PKD1L1: variants seen among roughly 807,000 people sequenced by gnomAD.
PKD1L1 encodes polycystin 1 like 1, transient receptor potential channel interacting, also known as polycystin-1-like protein 1.
Under a neutral mutation model 323.4 loss-of-function variants are expected in PKD1L1, and 236 were observed. The observed-to-expected ratio is 0.73, with a 90% CI of 0.66 to 0.81. The LOEUF (loss-of-function observed/expected upper bound fraction) is 0.81, where lower values mean the gene tolerates loss of function less well. Among genes scored for constraint, PKD1L1 ranks in the 40% least tolerant of loss-of-function variants. The probability of loss-of-function intolerance (pLI) is 0.00; values close to 1 mark genes in which losing one functional copy is unlikely to be tolerated. For missense variants in PKD1L1, 3,320 were observed against 3,508.0 expected, an observed-to-expected ratio of 0.95 and a Z score of 1.35; for synonymous variants, 1,344 against 1,335.0, an observed-to-expected ratio of 1.01 and a Z score of -0.15.
chr7:47,954,437 C>T, the PKD1L1 span, among the ~76,000 whole-genome samples: 1 of 152,086 alleles, frequency 6.6e-6, no homozygotes, highest in Non-Finnish European at 1.5e-5. Context: ...ATGCTGTTAC[C>T]AGGAGAATGA....
At chr7:47,871,169 C>A (rs112149560) in intron 24 of PKD1L1, among the ~76,000 whole-genome samples, 1,748 of 152,158 alleles carry the variant, frequency 0.011, 21 homozygotes, top group Non-Finnish European at 0.015. Flanking sequence ...AAGATGTATA[C>A]ATCATGACCA....
chr7:47,857,787 G>A lies in PKD1L1; in HGVS notation c.4408C>T (p.Arg1470Trp), dbSNP rs199549399. 1.4e-4 allele frequency: 223 copies of A among 1,614,156 alleles called. No individual in the cohort carries two copies. The highest frequency in any genetic ancestry group is 7.5e-4 in the Admixed American group (45 of 60,020). Residue 1470 changes from arginine (R) to tryptophan (W), a missense_variant, in exon 28 of 57, where the codon CGG becomes TGG. Transcript: ENST00000289672. Reference sequence around the variant, plus strand: ...TGAAGGTTGTAATGAAGAAGGGTCCGGAACTCCATCTGCCCAGTGCTAACA... The same window carrying A: ...TGAAGGTTGTAATGAAGAAGGGTCCAGAACTCCATCTGCCCAGTGCTAACA... ...NHVSTGQMEF[R>W]TLLHYNLQSS... is the part of the protein sequence containing the mutation.
At chr7:47,815,217 C>G (rs572739279) in intron 47 of PKD1L1, 117 bp downstream of exon 47, 1 of 1,383,444 alleles carries the variant, frequency 7.2e-7, no homozygotes, top group Non-Finnish European at 9.7e-7. Flanking sequence ...GGCCTTACAC[C>G]TGCATGGTCA....
At chr7:47,904,697 T>C (rs536421700) in intron 11 of PKD1L1, 80 bp from the exon 12 acceptor site, 3 of 1,485,030 alleles carry the variant, frequency 2.0e-6, no homozygotes, top group African/African-American at 2.8e-5. Context: ...CCGTCTGCTA[T>C]ACTTTAAGAG....
intron 50 of PKD1L1, among the ~76,000 whole-genome samples, chr7:47,810,905 G>C (rs1384209928): frequency 6.6e-6 from 1 of 152,150 alleles, no homozygotes; most frequent in Non-Finnish European, 1.5e-5. Flanking sequence ...TGGGGATGGG[G>C]CTCCTAAGGA....
In PKD1L1 at chr7:47,890,743, G is replaced by A. The variant is rs754853455; in HGVS notation, c.2474C>T (p.Thr825Ile). ...ATLRYHWECA[T>I]AGSPAHPCFD... ...GCAGGGATGTGCTGGGGAGCCAGCGGTGGCGCATTCCCAGTGATACCTGTT... is the reference window on the plus strand; with the variant it reads ...GCAGGGATGTGCTGGGGAGCCAGCGATGGCGCATTCCCAGTGATACCTGTT... The change falls in exon 16 of 57, where the codon ACC (threonine) becomes ATC (isoleucine). Residue 825 changes from threonine (T) to isoleucine (I), a missense_variant. Transcript: ENST00000289672. 2 of 1,612,638 alleles carry A rather than the reference G, an allele frequency of 1.2e-6. No homozygotes were observed. Among genetic ancestry groups the A allele is most frequent in the Admixed American group, 3.3e-5 (2 of 60,028 alleles).
rs1232392301 is a variant in PKD1L1 at position 47,936,850 on chromosome 7, C to T, written c.394G>A (p.Asp132Asn). The change falls in exon 4 of 57, where the codon GAT becomes AAT. Residue 132 changes from aspartate (D) to asparagine (N), a missense_variant. Physicochemically the swap from Asp to Asn is conservative, Grantham distance 23. Coordinates refer to ENST00000289672, the MANE Select transcript of PKD1L1 (RefSeq NM_138295.5). Reference sequence around the variant, plus strand: ...CGCCATGGTACATTGACATACCTATCAGCACTGTTATCACAATCCAGAGGC... The same window carrying T: ...CGCCATGGTACATTGACATACCTATTAGCACTGTTATCACAATCCAGAGGC... Reference protein sequence around the residue: ...QAPLDCDNSADRIPHKPFIII... With the variant: ...QAPLDCDNSANRIPHKPFIII... The T allele has an allele frequency of 6.2e-7, 1 of 1,606,552 alleles. No individual in the cohort carries two copies. Among genetic ancestry groups the T allele is most frequent in the South Asian group, 1.1e-5 (1 of 89,384 alleles).
rs1786186703 is a variant in PKD1L1 at position 47,867,169 on chromosome 7, T to C, written c.3897-555A>G. 9.2e-5 allele frequency among the ~76,000 whole-genome samples: 14 copies of C among 152,212 alleles called. No individual in the cohort carries two copies. In the South Asian group the frequency reaches 2.9e-3, roughly 31 times the overall value. ...AATGTATAAAATAGAAATTTTCATC[T>C]GGACACACCGCAGTGGGTCATTGCA... On this transcript the variant is annotated intron_variant, in intron 24 of 56. Transcript: ENST00000289672.
intron 4 of PKD1L1, 88 bp downstream of exon 4, chr7:47,936,758 C>T (rs542174821): frequency 6.8e-6 from 7 of 1,035,084 alleles, no homozygotes; most frequent in East Asian, 2.4e-5. Flanking sequence ...GAACAAGCAT[C>T]GACTTTCACA....
intron 21 of PKD1L1, among the ~76,000 whole-genome samples, chr7:47,878,301 AT>A: frequency 6.6e-6 from 1 of 152,226 alleles, no homozygotes; most frequent in East Asian, 1.9e-4. Flanking sequence ...ATGATTAAAC[AT>A]TTTGCTTATT....
At chr7:47,934,559 C>A (rs540084685) in intron 4 of PKD1L1, among the ~76,000 whole-genome samples, 1 of 152,250 alleles carries the variant, frequency 6.6e-6, no homozygotes, top group Admixed American at 6.5e-5. Flanking sequence ...CCCTTTAGTT[C>A]TTAATGTAGT....
At chr7:47,808,999 T>G (rs1562939964) in intron 51 of PKD1L1, 3 of 72,130 alleles carry the variant, frequency 4.2e-5, no homozygotes, top group Non-Finnish European at 9.3e-5. Flanking sequence ...TTTTTTAAAC[T>G]TTTTGACTCT....
chr7:47,784,902 C>A lies in PKD1L1; in HGVS notation c.8526+7725G>T, dbSNP rs894346972. On this transcript the variant is annotated intron_variant, in intron 56 of 56. Transcript: ENST00000289672. ...ACCTATTAGCATTTTCCCATGCTTG[C>A]TTTATTAGTTGCCCTTTTCTATCCA... is the stretch of plus-strand genomic sequence containing the variant. 2.0e-5 allele frequency among the ~76,000 whole-genome samples: 3 copies of A among 152,284 alleles called. No individual in the cohort carries two copies. The East Asian group carries it at 5.8e-4, about 29-fold the overall frequency.
Position 47,792,720 on chromosome 7 carries a change from T to C in PKD1L1, c.8433A>G (p.Gln2811=). 6.2e-7 allele frequency: 1 copy of C among 1,613,896 alleles called. No individual in the cohort carries two copies. The highest frequency in any genetic ancestry group is 8.5e-7 in the Non-Finnish European group (1 of 1,179,916). The change falls in exon 56 of 57, where the codon CAA becomes CAG. Residue 2811 remains glutamine (Q), a synonymous_variant. Coordinates refer to ENST00000289672, the MANE Select transcript of PKD1L1 (RefSeq NM_138295.5). ...MKINGLSDSL[Q]LPLLEKTSNN... is the part of the protein sequence containing the mutation. The stretch of plus-strand genomic sequence containing the variant: ...TGGATGTTTTTTCCAGAAGGGGGAG[T>C]TGTAGGCTGTCGGACAAACCATTAA...
rs199716909 is a variant in PKD1L1, at chr7:47,927,213, G to GA, written c.1060+1990dup. On this transcript the variant is annotated intron_variant, in intron 7 of 56. Coordinates refer to ENST00000289672, the MANE Select transcript of PKD1L1 (RefSeq NM_138295.5). ...AAAGTTAAAAATTCCTACATGAAAA[G>GA]AAAAAAAAACTATAAGTAAAACCAA... is the stretch of plus-strand genomic sequence containing the variant. Among the ~76,000 whole-genome samples the GA allele has an allele frequency of 1.5e-3, 206 of 141,592 alleles. 1 individual carries two copies. The highest frequency in any genetic ancestry group is 5.0e-3 in the African/African-American group (193 of 38,500). 92.9% of individuals were successfully genotyped at this position (141,592 alleles called of 152,430 possible). A position where few individuals can be genotyped will look rare whatever the true frequency, so the allele number is the denominator to read the frequency against.
At chr7:47,847,453 C>T (rs879570786) in intron 31 of PKD1L1, among the ~76,000 whole-genome samples, 2 of 152,144 alleles carry the variant, frequency 1.3e-5, no homozygotes, top group Non-Finnish European at 2.9e-5. Flanking sequence ...TCCTGCTCCT[C>T]GCCAGTTTGT....
At chr7:47,870,185 A>AAC in intron 24 of PKD1L1, among the ~76,000 whole-genome samples, 1 of 136,594 alleles carries the variant, frequency 7.3e-6, no homozygotes, top group African/African-American at 2.8e-5. Flanking sequence ...ACAACAACAA[A>AAC]AAAAAACAAG....
chr7:47,921,021 TAAC>T (rs1156725782), intron 7 of PKD1L1, among the ~76,000 whole-genome samples: 12 of 151,970 alleles, frequency 7.9e-5, no homozygotes, highest in Admixed American at 5.2e-4. Flanking sequence ...GCAAATGCAA[TAAC>T]AACAAAGATA....
At chr7:47,919,618 C>CTATG (rs1787494668) in intron 7 of PKD1L1, among the ~76,000 whole-genome samples, 1 of 152,048 alleles carries the variant, frequency 6.6e-6, no homozygotes, top group Admixed American at 6.6e-5. Context: ...ATGCTGGAAT[C>CTATG]CTTAAAACAC....
Sources: allele counts gnomAD v4.1 joint callset (sites outside exome capture counted in the v4.1 genomes callset), GRCh38; gene constraint gnomAD v4.1.1; transcripts MANE v1.5; gene names NCBI Gene and HGNC (gene_info 2026-07-23, HGNC 2026-07-21).